Variants in TMEM132B observed in about 807,000 individuals in gnomAD.
The protein encoded by TMEM132B is transmembrane protein 132B.
A neutral mutation model predicts 90.8 loss-of-function variants in TMEM132B; 18 were observed. The ratio of observed to expected loss-of-function variants is 0.20; its 90% CI spans 0.14 to 0.29. The LOEUF (loss-of-function observed/expected upper bound fraction) is 0.29. Ranked by LOEUF, TMEM132B falls within the 10% of genes least tolerant of loss-of-function variation. The pLI is 1.00. For missense variants in TMEM132B, 1,096 were observed against 1,326.8 expected, an observed-to-expected ratio of 0.83 and a Z score of 2.70; for synonymous variants, 504 against 523.3, an observed-to-expected ratio of 0.96 and a Z score of 0.50.
chr12:125,561,900 C>T (rs551272723), intron 4 of TMEM132B, among the ~76,000 whole-genome samples: 1 of 152,254 alleles, frequency 6.6e-6, no homozygotes, highest in South Asian at 2.1e-4. Context: ...AACTTAAAGT[C>T]ACCAGCAGCA....
chr12:125,366,337 G>A (rs1179391929), intron 2 of TMEM132B, among the ~76,000 whole-genome samples: 1 of 152,082 alleles, frequency 6.6e-6, no homozygotes, highest in African/African-American at 2.4e-5. Context: ...TGCAGTAAAC[G>A]CAGGAGTGCA....
At chr12:125,327,797 T>A (rs567598237) in intron 1 of TMEM132B, among the ~76,000 whole-genome samples, 27 of 151,344 alleles carry the variant, frequency 1.8e-4, no homozygotes, top group Admixed American at 6.6e-4. Flanking sequence ...TCCAAGGTTT[T>A]AAAAAAAAAA....
At chr12:125,427,389 A>G (rs1000629131) in intron 3 of TMEM132B, among the ~76,000 whole-genome samples, 2 of 152,188 alleles carry the variant, frequency 1.3e-5, no homozygotes, top group Non-Finnish European at 2.9e-5. Flanking sequence ...AGGGTCAGAG[A>G]TGTTAAGAGC....
At position 125,646,709 on chromosome 12, in the gene TMEM132B, C is replaced by T. The variant is rs73220958; in HGVS notation, c.1643+2428C>T. On this transcript the variant is annotated intron_variant, in intron 6 of 8. Coordinates refer to ENST00000682704, the MANE Select transcript of TMEM132B (RefSeq NM_001366854.1). ...GCACAAAAGTAGGCTAGGACATATG[C>T]ACTAAAACAAAGCAAATTTAACTAC... is the stretch of plus-strand genomic sequence containing the variant. 8.5e-3 allele frequency among the ~76,000 whole-genome samples: 1,294 copies of T among 152,262 alleles called. 13 individuals carry two copies. Among genetic ancestry groups the T allele is most frequent in the Non-Finnish European group, 0.012 (838 of 68,014 alleles).
intron 3 of TMEM132B, among the ~76,000 whole-genome samples, chr12:125,443,067 C>G (rs777266143): frequency 1.3e-5 from 2 of 152,184 alleles, no homozygotes; most frequent in Non-Finnish European, 2.9e-5. Context: ...GAGGGACCTC[C>G]CTTGCTGAGA....
At chr12:125,351,357 C>T (rs1442926034) in intron 2 of TMEM132B, among the ~76,000 whole-genome samples, 2 of 152,116 alleles carry the variant, frequency 1.3e-5, no homozygotes, top group Non-Finnish European at 2.9e-5. Flanking sequence ...GTAGTAGAGA[C>T]CCTAAAGTCT....
intron 2 of TMEM132B, among the ~76,000 whole-genome samples, chr12:125,409,595 T>TGGAGG (rs777976916): frequency 1.5e-5 from 1 of 65,372 alleles, no homozygotes; most frequent in Non-Finnish European, 3.0e-5. Flanking sequence ...TGGAGTGGAG[T>TGGAGG]GGAGGAGTGG....
At chr12:125,649,576 G>A (rs1032670933) in intron 6 of TMEM132B, among the ~76,000 whole-genome samples, 3 of 152,142 alleles carry the variant, frequency 2.0e-5, no homozygotes, top group African/African-American at 4.8e-5. Flanking sequence ...AAATATGCAC[G>A]GCTGTTGTGT....
chr12:125,288,343 A>T (rs1264485395), intron 1 of TMEM132B, among the ~76,000 whole-genome samples: 2 of 151,088 alleles, frequency 1.3e-5, no homozygotes, highest in African/African-American at 4.9e-5. Flanking sequence ...CACGCCTGTA[A>T]TTCCAGCTAC....
chr12:125,428,906 T>A (rs1459621829), intron 3 of TMEM132B, among the ~76,000 whole-genome samples: 1 of 152,178 alleles, frequency 6.6e-6, no homozygotes, highest in Non-Finnish European at 1.5e-5. Context: ...AACCTGATGG[T>A]GTTTGCAGAA....
chr12:125,290,858 C>T (rs1455382650), intron 1 of TMEM132B, among the ~76,000 whole-genome samples: 2 of 152,118 alleles, frequency 1.3e-5, no homozygotes, highest in Admixed American at 6.5e-5. Context: ...GTATGGTAGA[C>T]AGAATTGAAG....
At chr12:125,397,098 G>A (rs756837415) in intron 2 of TMEM132B, among the ~76,000 whole-genome samples, 2 of 151,682 alleles carry the variant, frequency 1.3e-5, no homozygotes, top group African/African-American at 2.4e-5. Flanking sequence ...CAGCCTCCCA[G>A]TTAGCTGGGA....
At chr12:125,439,714 AGTG>A (rs1880812434) in intron 3 of TMEM132B, among the ~76,000 whole-genome samples, 1 of 152,074 alleles carries the variant, frequency 6.6e-6, no homozygotes, top group Admixed American at 6.5e-5. Context: ...GTTGAATAGG[AGTG>A]GTGAAAGAGT....
intron 3 of TMEM132B, among the ~76,000 whole-genome samples, chr12:125,512,038 G>T (rs997648265): frequency 6.6e-6 from 1 of 152,102 alleles, no homozygotes; most frequent in Non-Finnish European, 1.5e-5. Flanking sequence ...GGTAAGAGTG[G>T]AAATAGGTAC....
At position 125,332,306 on chromosome 12, in the gene TMEM132B, C is replaced by T. The variant is rs1566004396; in HGVS notation, c.68-17146C>T. Among the ~76,000 whole-genome samples the T allele has an allele frequency of 2.0e-5, 3 of 152,284 alleles. No homozygotes were observed. In the East Asian group the frequency reaches 5.8e-4, roughly 29 times the overall value. On this transcript the variant is annotated intron_variant, in intron 1 of 8. Transcript: ENST00000682704. Reference sequence around the variant, plus strand: ...TTATTATTATTTTATGTATTGGATGCTACTGATAAGCTTGTGATAACTGCC... The same window carrying T: ...TTATTATTATTTTATGTATTGGATGTTACTGATAAGCTTGTGATAACTGCC...
At chr12:125,271,395 A>G (rs561866887) in intron 1 of TMEM132B, among the ~76,000 whole-genome samples, 2 of 152,282 alleles carry the variant, frequency 1.3e-5, no homozygotes, top group East Asian at 1.9e-4. Context: ...GAATTCCGCA[A>G]TTGTTTGACA....
At chr12:125,431,519 G>A (rs11829497) in intron 3 of TMEM132B, among the ~76,000 whole-genome samples, 2,645 of 152,210 alleles carry the variant, frequency 0.017, 82 homozygotes, top group African/African-American at 0.06. Flanking sequence ...ACTGAGCGAC[G>A]TGCTTAGGAC....
At chr12:125,611,505 T>C (rs1168107589) in intron 5 of TMEM132B, among the ~76,000 whole-genome samples, 1 of 151,972 alleles carries the variant, frequency 6.6e-6, no homozygotes, top group East Asian at 1.9e-4. Context: ...GGTTATTAAT[T>C]TGAGAACTTA....
intron 4 of TMEM132B, among the ~76,000 whole-genome samples, chr12:125,525,111 A>C (rs931997995): frequency 6.6e-6 from 1 of 151,836 alleles, no homozygotes; most frequent in African/African-American, 2.4e-5. Flanking sequence ...GGAGGTGATA[A>C]GGGGAACAGA....
Sources: gnomAD v4.1 joint callset for allele counts (sites outside exome capture counted in the v4.1 genomes callset) on GRCh38, gnomAD v4.1.1 for gene constraint, MANE v1.5 for transcripts, NCBI Gene and HGNC (gene_info 2026-07-23, HGNC 2026-07-21) for gene names.